The following GPC3 variants were observed in gnomAD, a reference collection of about 807,000 sequenced individuals.
GPC3 encodes the protein glypican-3.
In GPC3, 3 loss-of-function variants were observed where a neutral mutation model predicts 34.4. The observed-to-expected ratio is 0.09, with a 90% CI of 0.04 to 0.23. GPC3 has a LOEUF of 0.23. Ranked by LOEUF, GPC3 falls within the 10% of genes least tolerant of loss-of-function variation. The pLI is 1.00. For missense variants in GPC3, 351 were observed against 445.6 expected, an observed-to-expected ratio of 0.79 and a Z score of 1.91; for synonymous variants, 177 against 174.0, an observed-to-expected ratio of 1.02 and a Z score of -0.13.
At chrX:133,851,401 C>G (rs750065782) in intron 2 of GPC3, among the ~76,000 whole-genome samples, 44 of 111,955 alleles carry the variant, frequency 3.9e-4, no homozygotes, top group Non-Finnish European at 6.2e-4. Flanking sequence ...CACCATCTTA[C>G]CCTCCTGATA....
At chrX:133,964,746 G>A (rs1353989069) in intron 1 of GPC3, among the ~76,000 whole-genome samples, 1 of 111,807 alleles carries the variant, frequency 8.9e-6, no homozygotes, top group Non-Finnish European at 1.9e-5. Flanking sequence ...CTGATCCAGT[G>A]ACTTGGGTAA....
At chrX:133,706,318 A>G (rs1445426397) in intron 3 of GPC3, among the ~76,000 whole-genome samples, 2 of 112,337 alleles carry the variant, frequency 1.8e-5, no homozygotes, top group Non-Finnish European at 3.8e-5. Flanking sequence ...TAAATCCTCA[A>G]AAGCAATTGC....
intron 6 of GPC3, among the ~76,000 whole-genome samples, chrX:133,654,739 C>T (rs1452005496): frequency 3.6e-5 from 4 of 110,508 alleles, no homozygotes; most frequent in Non-Finnish European, 1.9e-5. Context: ...AAACAAAAAA[C>T]GATGCTGCAT....
At chrX:133,639,317 T>G (rs2070459398) in intron 6 of GPC3, among the ~76,000 whole-genome samples, 1 of 112,212 alleles carries the variant, frequency 8.9e-6, no homozygotes, top group Admixed American at 9.5e-5. Context: ...TCAATCACAT[T>G]CTGCCTTGTA....
At position 133,535,890 on chromosome X, in the gene GPC3, TTTTC is replaced by T. The variant is rs71736291; in HGVS notation, c.*230_*233del. The T allele has an allele frequency of 0.021, 7,966 of 382,694 alleles. 565 individuals carry two copies. The highest frequency in any genetic ancestry group is 0.18 in the African/African-American group (7,091 of 38,882). The allele number at this position is 382,694 out of a possible 1,213,427, so 31.5% of individuals were successfully genotyped here. On this transcript the variant is annotated 3_prime_UTR_variant, in exon 8 of 8. Coordinates refer to ENST00000370818, the MANE Select transcript of GPC3 (RefSeq NM_004484.4). ...TAATTTGGCACAACTTGATGGTTTT[TTTTC>T]TTTCTTTGCAAAAGGACAATCTATA...
chrX:133,600,132 C>T (rs774784390), intron 6 of GPC3, among the ~76,000 whole-genome samples: 3 of 111,585 alleles, frequency 2.7e-5, no homozygotes, highest in African/African-American at 9.8e-5. Context: ...TCTTTGAACC[C>T]CAGAGCATTT....
intron 5 of GPC3, among the ~76,000 whole-genome samples, chrX:133,683,432 T>C (rs1162408140): frequency 2.7e-5 from 3 of 111,656 alleles, no homozygotes; most frequent in African/African-American, 9.7e-5. Flanking sequence ...CAGAATCACA[T>C]TTCCAAGAGG....
At chrX:133,915,843 A>G (rs1044207534) in intron 2 of GPC3, among the ~76,000 whole-genome samples, 1 of 112,252 alleles carries the variant, frequency 8.9e-6, no homozygotes, top group African/African-American at 3.2e-5. Flanking sequence ...ACTGATTCTC[A>G]TTAAGATAGT....
intron 2 of GPC3, among the ~76,000 whole-genome samples, chrX:133,806,796 C>T (rs1415660001): frequency 9.1e-6 from 1 of 109,503 alleles, no homozygotes; most frequent in African/African-American, 3.3e-5. Flanking sequence ...CTACAGGCGC[C>T]CACCACCACG....
rs1170770527 is a variant in GPC3, at chrX:133,883,946, A to G, written c.337+69104T>C. The stretch of plus-strand genomic sequence containing the variant: ...TCAAAGATATGTTGAATGGTCTTTG[A>G]AATTTCTTTAATTATTTAGTTCCTG... On this transcript the variant is annotated intron_variant, in intron 2 of 7. Coordinates refer to ENST00000370818, the MANE Select transcript of GPC3 (RefSeq NM_004484.4). Among the ~76,000 whole-genome samples, 6 of 111,935 alleles carry G rather than the reference A, an allele frequency of 5.4e-5. No individual in the cohort carries two copies. In the Admixed American group the frequency reaches 5.7e-4, roughly 11 times the overall value.
At chrX:133,711,031 T>A (rs1200176564) in intron 3 of GPC3, among the ~76,000 whole-genome samples, 1 of 112,028 alleles carries the variant, frequency 8.9e-6, no homozygotes, top group African/African-American at 3.2e-5. Context: ...CATCTCCTTG[T>A]GTCCTTTGTC....
At chrX:133,982,230 G>T (rs1014667439) in intron 1 of GPC3, among the ~76,000 whole-genome samples, 1 of 111,781 alleles carries the variant, frequency 8.9e-6, no homozygotes, top group Non-Finnish European at 1.9e-5. Context: ...GAGCTCATTG[G>T]CTTTTTTCTG....
At chrX:133,910,940 G>A (rs1321583113) in intron 2 of GPC3, among the ~76,000 whole-genome samples, 1 of 111,582 alleles carries the variant, frequency 9.0e-6, no homozygotes, top group Non-Finnish European at 1.9e-5. Flanking sequence ...TCTGTGTCCA[G>A]ATGGAGTGAT....
chrX:133,663,877 G>A (rs1231297582), intron 5 of GPC3, among the ~76,000 whole-genome samples: 1 of 111,964 alleles, frequency 8.9e-6, no homozygotes, highest in African/African-American at 3.2e-5. Flanking sequence ...GATGGAATGG[G>A]CACATGTACT....
At chrX:133,976,168 C>G (rs1185511619) in intron 1 of GPC3, among the ~76,000 whole-genome samples, 3 of 112,221 alleles carry the variant, frequency 2.7e-5, no homozygotes, top group Non-Finnish European at 5.6e-5. Context: ...GCTGTACCCA[C>G]TAGCTCTCCC....
intron 7 of GPC3, among the ~76,000 whole-genome samples, chrX:133,554,060 C>T (rs1435651011): frequency 9.2e-6 from 1 of 108,668 alleles, no homozygotes; most frequent in Admixed American, 9.8e-5. Context: ...TGTCGCCAGG[C>T]TGGAGTGCAG....
chrX:133,905,778 G>A (rs192839042), intron 2 of GPC3, among the ~76,000 whole-genome samples: 5 of 111,560 alleles, frequency 4.5e-5, no homozygotes, highest in Non-Finnish European at 9.4e-5. Context: ...CAGAAACAAG[G>A]TGATACAAGA....
At chrX:133,807,625 G>C (rs1450982502) in intron 2 of GPC3, among the ~76,000 whole-genome samples, 1 of 111,861 alleles carries the variant, frequency 8.9e-6, no homozygotes, top group African/African-American at 3.3e-5. Context: ...ACTAGAAAAG[G>C]CTGGCAAAGG....
intron 2 of GPC3, among the ~76,000 whole-genome samples, chrX:133,893,613 G>A (rs2076098322): frequency 9.0e-6 from 1 of 111,123 alleles, no homozygotes; most frequent in South Asian, 3.8e-4. Flanking sequence ...CAGCTCCTAG[G>A]TAGTAGCATT....
Sources: gnomAD v4.1 joint callset for allele counts (sites outside exome capture counted in the v4.1 genomes callset) on GRCh38, gnomAD v4.1.1 for gene constraint, MANE v1.5 for transcripts, NCBI Gene and HGNC (gene_info 2026-07-23, HGNC 2026-07-21) for gene names.